Variants in RSPRY1 observed in about 807,000 individuals in gnomAD.
The protein encoded by RSPRY1 is ring finger and SPRY domain containing 1.
A neutral mutation model predicts 73.1 loss-of-function variants in RSPRY1; 23 were observed. That is an observed-to-expected ratio of 0.31 (90% CI 0.23 to 0.45). The LOEUF (loss-of-function observed/expected upper bound fraction) is 0.45, where lower values mean the gene tolerates loss of function less well. Ranked by LOEUF, RSPRY1 falls within the 20% of genes least tolerant of loss-of-function variation. RSPRY1 has a pLI of 1.00. For missense variants in RSPRY1, 448 were observed against 698.7 expected (o/e 0.64, Z 4.05); for synonymous variants, 226 against 251.4 (o/e 0.90, Z 0.95).
chr16:57,227,330 GTC>G lies in RSPRY1; in HGVS notation c.1162-5_1162-4del, dbSNP rs746654099. On this transcript the variant is annotated splice_polypyrimidine_tract_variant and intron_variant, in intron 10 of 14. Coordinates refer to ENST00000394420, the MANE Select transcript of RSPRY1 (RefSeq NM_133368.3). ...CAGACTTGCTAATCTTCTGGGCCTT[GTC>G]TCTCTCCAGGAAGGCTACGGCATTG... 10 of 1,596,274 alleles carry G rather than the reference GTC, an allele frequency of 6.3e-6. No individual in the cohort carries two copies. The highest frequency in any genetic ancestry group is 8.6e-6 in the Non-Finnish European group (10 of 1,163,926).
chr16:57,200,838 C>T (rs1195770453), intron 1 of RSPRY1, among the ~76,000 whole-genome samples: 2 of 141,152 alleles, frequency 1.4e-5, no homozygotes, highest in East Asian at 2.2e-4. Context: ...TGGGCAGAGG[C>T]GCCCCTCACC....
chr16:57,187,999 T>C (rs1482032153), intron 1 of RSPRY1, among the ~76,000 whole-genome samples: 5 of 152,242 alleles, frequency 3.3e-5, no homozygotes, highest in African/African-American at 1.2e-4. Context: ...TTTGCATATA[T>C]ATATGCATGG....
At chr16:57,202,014 A>G (rs893857673) in intron 1 of RSPRY1, among the ~76,000 whole-genome samples, 12 of 152,096 alleles carry the variant, frequency 7.9e-5, no homozygotes, top group Non-Finnish European at 1.8e-4. Context: ...ATTTTGAAAT[A>G]GGAATATTAA....
intron 10 of RSPRY1, among the ~76,000 whole-genome samples, chr16:57,226,743 G>C (rs965741105): frequency 6.6e-6 from 1 of 152,208 alleles, no homozygotes; most frequent in African/African-American, 2.4e-5. Context: ...TATCAGCAGG[G>C]TCTTTGTGAC....
intron 4 of RSPRY1, among the ~76,000 whole-genome samples, chr16:57,210,772 C>A (rs569182899): frequency 1.3e-5 from 2 of 151,912 alleles, no homozygotes; most frequent in East Asian, 1.9e-4. Context: ...AATCTCAACA[C>A]TTTGGGAGGC....
intron 1 of RSPRY1, among the ~76,000 whole-genome samples, chr16:57,194,509 A>G (rs1349492056): frequency 6.6e-6 from 1 of 152,188 alleles, no homozygotes; most frequent in Non-Finnish European, 1.5e-5. Flanking sequence ...AGAGAACATC[A>G]TTAAAATTTT....
At chr16:57,194,772 T>G (rs2074410349) in intron 1 of RSPRY1, among the ~76,000 whole-genome samples, 1 of 152,226 alleles carries the variant, frequency 6.6e-6, no homozygotes, top group Admixed American at 6.5e-5. Flanking sequence ...TGATCTGTAC[T>G]ATGGCTGAAT....
intron 8 of RSPRY1, among the ~76,000 whole-genome samples, chr16:57,218,903 T>G (rs978583540): frequency 7.1e-6 from 1 of 140,414 alleles, no homozygotes; most frequent in Non-Finnish European, 1.5e-5. Flanking sequence ...GCCCGGCTAA[T>G]TTTTTTGTAT....
At chr16:57,194,574 G>A (rs1259097321) in intron 1 of RSPRY1, among the ~76,000 whole-genome samples, 1 of 152,002 alleles carries the variant, frequency 6.6e-6, no homozygotes, top group Non-Finnish European at 1.5e-5. Context: ...TTGTGGGGGA[G>A]GGTTGGAAAA....
rs144724351 is a variant in RSPRY1, at chr16:57,217,791, A to G, written c.901+756A>G. ...CTTCTGTACCCTCACTCCCCCATCC[A>G]TGGTTAATACTACGCTAAAGCATAA... On this transcript the variant is annotated intron_variant, in intron 8 of 14. Transcript: ENST00000394420. Among the ~76,000 whole-genome samples, 607 of 152,266 alleles carry G rather than the reference A, an allele frequency of 4.0e-3. 2 individuals carry two copies. Among genetic ancestry groups the G allele is most frequent in the African/African-American group, 0.014 (571 of 41,552 alleles).
intron 2 of RSPRY1, 137 bp from the exon 3 acceptor site, chr16:57,207,920 TG>T (rs2074757295): frequency 1.5e-6 from 1 of 651,694 alleles, no homozygotes; most frequent in African/African-American, 1.8e-5. Context: ...TAGCTCAGGT[TG>T]TCTCTTCTAT....
rs768296692 is a variant in RSPRY1 at position 57,204,945 on chromosome 16, A to G, written c.287A>G (p.Lys96Arg). Residue 96 changes from lysine (K) to arginine (R), a missense_variant, in exon 2 of 15, where the codon AAG becomes AGG. Coordinates refer to ENST00000394420, the MANE Select transcript of RSPRY1 (RefSeq NM_133368.3). Reference sequence around the variant, plus strand: ...CGAGGACCTCATGAGCCAAGGAGAAAGAAACAAAATGTGGATGGGCTAGTG... The same window carrying G: ...CGAGGACCTCATGAGCCAAGGAGAAGGAAACAAAATGTGGATGGGCTAGTG... ...RGRGPHEPRR[K>R]KQNVDGLVLD... 2.0e-5 allele frequency: 33 copies of G among 1,614,086 alleles called. No individual in the cohort carries two copies. The highest frequency in any genetic ancestry group is 2.7e-5 in the Non-Finnish European group (32 of 1,180,044).
At chr16:57,232,380 C>A (rs1380797159) in intron 13 of RSPRY1, among the ~76,000 whole-genome samples, 1 of 152,122 alleles carries the variant, frequency 6.6e-6, no homozygotes, top group East Asian at 1.9e-4. Flanking sequence ...TCAGTAATAG[C>A]CCAAGAACAT....
intron 3 of RSPRY1, 118 bp downstream of exon 3, chr16:57,208,228 T>G (rs76694635): frequency 0.052 from 26,076 of 504,252 alleles, 1,645 homozygotes; most frequent in East Asian, 0.25. Flanking sequence ...AAATACAGCA[T>G]ACATAACAAT....
At position 57,204,750 on chromosome 16, in the gene RSPRY1, T is replaced by C; in HGVS notation, c.92T>C (p.Leu31Pro). Residue 31 changes from leucine (L) to proline (P), a missense_variant, in exon 2 of 15, where the codon CTA (leucine) becomes CCA (proline). By Grantham distance (98) the Leu-to-Pro change is moderately conservative (BLOSUM62 -3). Transcript: ENST00000394420. Reference protein sequence around the residue: ...LTLEEHIAHFLGTGGAATTMG... With the variant: ...LTLEEHIAHFPGTGGAATTMG... ...CTCGAAGAGCACATAGCCCACTTCCTAGGGACTGGAGGTGCCGCTACTACC... is the reference window on the plus strand; with the variant it reads ...CTCGAAGAGCACATAGCCCACTTCCCAGGGACTGGAGGTGCCGCTACTACC... 1 of 1,614,190 alleles carries C rather than the reference T, an allele frequency of 6.2e-7. No homozygotes were observed. The highest frequency in any genetic ancestry group is 8.5e-7 in the Non-Finnish European group (1 of 1,180,026).
At position 57,239,682 on chromosome 16, in the gene RSPRY1, C is replaced by T. The variant is rs2075351385; in HGVS notation, c.*707C>T. 1 of 151,078 alleles carries T rather than the reference C, an allele frequency of 6.6e-6. No individual in the cohort carries two copies. The allele number at this position is 151,078 out of a possible 1,614,324, so 9.4% of individuals were successfully genotyped here. A position where few individuals can be genotyped will look rare whatever the true frequency, so the allele number is the denominator to read the frequency against. On this transcript the variant is annotated 3_prime_UTR_variant, in exon 15 of 15. Coordinates refer to ENST00000394420, the MANE Select transcript of RSPRY1 (RefSeq NM_133368.3). ...ATAGTGTTTCTATCCAATTTCAGTA[C>T]CCACATTTAATGAGGAAAAAATGTT...
At chr16:57,217,470 G>A (rs2074960099) in intron 8 of RSPRY1, among the ~76,000 whole-genome samples, 1 of 152,122 alleles carries the variant, frequency 6.6e-6, no homozygotes, top group African/African-American at 2.4e-5. Flanking sequence ...CCTACATCAT[G>A]AGAATTGTTC....
intron 7 of RSPRY1, 103 bp from the exon 8 acceptor site, chr16:57,216,801 C>G: frequency 9.3e-7 from 1 of 1,079,006 alleles, no homozygotes; most frequent in Admixed American, 2.0e-5. Flanking sequence ...ATCTAGTCTC[C>G]AATTCTTTAA....
intron 11 of RSPRY1, among the ~76,000 whole-genome samples, chr16:57,228,676 TA>T (rs2075159322): frequency 6.6e-6 from 1 of 152,202 alleles, no homozygotes; most frequent in Non-Finnish European, 1.5e-5. Context: ...TCCAGGTTAT[TA>T]AATAACATTA....
Sources: allele counts gnomAD v4.1 joint callset (sites outside exome capture counted in the v4.1 genomes callset), GRCh38; gene constraint gnomAD v4.1.1; transcripts MANE v1.5; gene names NCBI Gene and HGNC (gene_info 2026-07-23, HGNC 2026-07-21).